Variants in COL27A1 observed in about 807,000 individuals in gnomAD.
COL27A1 encodes collagen alpha-1(XXVII) chain.
COL27A1 carries 106 observed loss-of-function variants against 251.3 expected under a neutral mutation model. That is an observed-to-expected ratio of 0.42 (90% confidence interval 0.36 to 0.50). The LOEUF (loss-of-function observed/expected upper bound fraction) is 0.50. Among genes scored for constraint, COL27A1 ranks in the 20% least tolerant of loss-of-function variants. The probability of loss-of-function intolerance (pLI) is 0.00; values close to 1 mark genes in which losing one functional copy is unlikely to be tolerated. For missense variants in COL27A1, 2,325 were observed against 2,522.8 expected (o/e 0.92, Z 1.68); for synonymous variants, 1,000 against 986.3 (o/e 1.01, Z -0.26).
intron 34 of COL27A1, among the ~76,000 whole-genome samples, chr9:114,268,133 C>T (rs1834873545): frequency 6.6e-6 from 1 of 152,210 alleles, no homozygotes; most frequent in African/African-American, 2.4e-5. Context: ...TCCCAAAATC[C>T]CTTGCTCAAA....
chr9:114,232,272 G>A (rs1832019856), intron 16 of COL27A1, among the ~76,000 whole-genome samples: 1 of 152,166 alleles, frequency 6.6e-6, no homozygotes, highest in African/African-American at 2.4e-5. Flanking sequence ...ACCCCAGAGA[G>A]CGTGCCGACT....
intron 34 of COL27A1, among the ~76,000 whole-genome samples, chr9:114,268,364 CCCT>C (rs1834887920): frequency 6.6e-6 from 1 of 152,134 alleles, no homozygotes; most frequent in Non-Finnish European, 1.5e-5. Flanking sequence ...CAGAGCTCTG[CCCT>C]CCTCCTGTGC....
chr9:114,269,372 A>C, intron 35 of COL27A1, 78 bp downstream of exon 35: 1 of 1,014,848 alleles, frequency 9.9e-7, no homozygotes, highest in Middle Eastern at 2.3e-4. Flanking sequence ...GGCTTTTCTC[A>C]ATCTCCCTAA....
intron 8 of COL27A1, among the ~76,000 whole-genome samples, chr9:114,205,510 G>A (rs1327775488): frequency 6.6e-6 from 1 of 152,216 alleles, no homozygotes; most frequent in Non-Finnish European, 1.5e-5. Context: ...TGCCAGCATG[G>A]GAGAACCAGC....
chr9:114,217,571 A>G (rs993815964), intron 12 of COL27A1, among the ~76,000 whole-genome samples: 1 of 152,262 alleles, frequency 6.6e-6, no homozygotes, highest in Admixed American at 6.5e-5. Flanking sequence ...ACAGAGGGTC[A>G]AGTGTGGGGG....
chr9:114,209,318 TG>T, intron 10 of COL27A1: 1 of 497,754 alleles, frequency 2.0e-6, no homozygotes, highest in Non-Finnish European at 3.9e-6. Flanking sequence ...CCAGCATCCC[TG>T]GGGGTGGGCA....
chr9:114,282,513 A>G lies in COL27A1; in HGVS notation c.3828A>G (p.Gly1276=). 1 of 1,570,736 alleles carries G rather than the reference A, an allele frequency of 6.4e-7. No individual in the cohort carries two copies. The highest frequency in any genetic ancestry group is 8.6e-7 in the Non-Finnish European group (1 of 1,160,818). ...AGATGGGCGTCCCTGGAGACCCTGGACCCCCTGGCACTCCAGGCCCTAAAG... is the reference window on the plus strand; with the variant it reads ...AGATGGGCGTCCCTGGAGACCCTGGGCCCCCTGGCACTCCAGGCCCTAAAG... ...LGEMGVPGDP[G]PPGTPGPKGS... The change falls in exon 39 of 61, where the codon GGA becomes GGG. Residue 1276 remains glycine (G), a synonymous_variant. Coordinates refer to ENST00000356083, the MANE Select transcript of COL27A1 (RefSeq NM_032888.4).
chr9:114,207,821 C>T (rs1176857016), intron 10 of COL27A1, among the ~76,000 whole-genome samples: 1 of 152,242 alleles, frequency 6.6e-6, no homozygotes, highest in Non-Finnish European at 1.5e-5. Context: ...ATTATTTTCT[C>T]ACCTGTAAAT....
intron 24 of COL27A1, among the ~76,000 whole-genome samples, chr9:114,246,977 G>A (rs1281686614): frequency 6.6e-6 from 1 of 151,916 alleles, no homozygotes; most frequent in Non-Finnish European, 1.5e-5. Flanking sequence ...AGAGCACAAA[G>A]ATCCTTGGAA....
intron 1 of COL27A1, among the ~76,000 whole-genome samples, chr9:114,161,369 C>T (rs1848486173): frequency 6.6e-6 from 1 of 152,136 alleles, no homozygotes; most frequent in African/African-American, 2.4e-5. Context: ...TCGGGATCAA[C>T]TTAGATTTAT....
chr9:114,220,439 T>G (rs1461290988), intron 13 of COL27A1, among the ~76,000 whole-genome samples: 5 of 152,232 alleles, frequency 3.3e-5, no homozygotes, highest in Admixed American at 2.0e-4. Context: ...GCTTCCTGCC[T>G]GAGCAGCTGT....
chr9:114,290,836 T>G lies in COL27A1; in HGVS notation c.4395T>G (p.Pro1465=). 7.7e-6 allele frequency: 12 copies of G among 1,551,306 alleles called. No homozygotes were observed. Among genetic ancestry groups the G allele is most frequent in the Non-Finnish European group, 1.0e-5 (12 of 1,146,844 alleles). Residue 1465 remains proline, a synonymous_variant, in exon 48 of 61, where the codon CCT becomes CCG. Transcript: ENST00000356083. This position sits in a 1 kb window ranked among gnomAD's most constrained non-coding sequence, Gnocchi z 4.6. ...QQGEQGDDGD[P]GPMGPAGKRG... ...GGGAGCAGGGAGACGATGGGGACCC[T>G]GGCCCCATGGGCCCTGCTGGGAAGA...
chr9:114,177,079 T>TCTG (rs1827514844), intron 3 of COL27A1, among the ~76,000 whole-genome samples: 1 of 152,208 alleles, frequency 6.6e-6, no homozygotes, highest in African/African-American at 2.4e-5. Context: ...GTTCTTCACA[T>TCTG]CAGGCGCTTA....
At chr9:114,236,510 G>A (rs947147038) in intron 17 of COL27A1, among the ~76,000 whole-genome samples, 4 of 152,186 alleles carry the variant, frequency 2.6e-5, no homozygotes, top group East Asian at 1.9e-4. Context: ...GCCTGTGTCC[G>A]GCATCATGTG....
chr9:114,191,957 T>C (rs1175129463), intron 5 of COL27A1, among the ~76,000 whole-genome samples: 2 of 152,204 alleles, frequency 1.3e-5, no homozygotes, highest in African/African-American at 4.8e-5. Context: ...TCTCTGGTTT[T>C]TCCATCATGG....
intron 25 of COL27A1, 71 bp downstream of exon 25, chr9:114,250,739 C>A (rs187591655): frequency 2.1e-6 from 3 of 1,398,168 alleles, no homozygotes; most frequent in Non-Finnish European, 2.0e-6. Flanking sequence ...GGTGAAGAGG[C>A]CCTTTGACCT....
At chr9:114,199,904 C>T (rs1192739194) in intron 7 of COL27A1, among the ~76,000 whole-genome samples, 2 of 152,170 alleles carry the variant, frequency 1.3e-5, no homozygotes, top group Non-Finnish European at 2.9e-5. Flanking sequence ...ACCATACTGC[C>T]CCAGATAGAC....
intron 4 of COL27A1, 104 bp downstream of exon 4, chr9:114,178,448 TC>T (rs1827642361): frequency 9.9e-7 from 1 of 1,011,252 alleles, no homozygotes; most frequent in Non-Finnish European, 1.6e-6. Context: ...GGTTCTTCCC[TC>T]CCCCTCTCTG....
intron 12 of COL27A1, chr9:114,218,067 A>C: frequency 3.0e-6 from 1 of 337,160 alleles, no homozygotes; most frequent in Non-Finnish European, 5.8e-6. Flanking sequence ...TTATCACACC[A>C]CTGCACTTCA....
Sources: allele counts gnomAD v4.1 joint callset (sites outside exome capture counted in the v4.1 genomes callset), GRCh38; gene constraint gnomAD v4.1.1; non-coding constraint Gnocchi (gnomAD v3.1); transcripts MANE v1.5; gene names NCBI Gene and HGNC (gene_info 2026-07-23, HGNC 2026-07-21).